UGGT1: variants seen among roughly 807,000 people sequenced by gnomAD.
UGGT1 encodes the protein UDP-glucose:glycoprotein glucosyltransferase 1.
A neutral mutation model predicts 203.9 loss-of-function variants in UGGT1; 107 were observed. That is an observed-to-expected ratio of 0.52 (90% CI 0.45 to 0.62). The LOEUF (loss-of-function observed/expected upper bound fraction) is 0.62, where lower values mean the gene tolerates loss of function less well. Ranked by LOEUF, UGGT1 falls within the 20% of genes least tolerant of loss-of-function variation. The probability of loss-of-function intolerance (pLI) is 0.00; values close to 1 mark genes in which losing one functional copy is unlikely to be tolerated. For synonymous variants in UGGT1, 628 were observed against 653.5 expected, an observed-to-expected ratio of 0.96 and a Z score of 0.59; for missense variants, 1,673 against 1,867.2, an observed-to-expected ratio of 0.90 and a Z score of 1.92.
intron 1 of UGGT1, chr2:128,091,722 A>C (rs529012086): frequency 3.3e-6 from 2 of 614,878 alleles, no homozygotes; most frequent in Non-Finnish European, 4.8e-6. Flanking sequence ...GATTTAGACC[A>C]AGCTTGATCC....
intron 18 of UGGT1, among the ~76,000 whole-genome samples, chr2:128,149,138 C>G (rs1353364241): frequency 6.6e-6 from 1 of 151,944 alleles, no homozygotes; most frequent in East Asian, 2.0e-4. Context: ...AACTTCTGGG[C>G]TCAAGCAGTC....
chr2:128,114,067 G>T (rs1339684995), intron 6 of UGGT1, among the ~76,000 whole-genome samples: 2 of 151,944 alleles, frequency 1.3e-5, no homozygotes, highest in African/African-American at 4.8e-5. Flanking sequence ...AAGTTTCTAT[G>T]TCATAATAAG....
rs754055547 is a variant in UGGT1, at chr2:128,180,909, C to T, written c.3920C>T (p.Ala1307Val). The change falls in exon 36 of 41, where the codon GCA becomes GTA. Residue 1307 changes from alanine to valine, a missense_variant. By Grantham distance (64) the Ala-to-Val change is moderately conservative. Transcript: ENST00000259253. The part of the protein sequence containing the change: ...PTFKEFIPYM[A>V]NEYNFQYELV... ...AAATAGGAGTTTATACCTTACATGGCAAATGAATACAATTTCCAGTATGAG... is the reference window on the plus strand; with the variant it reads ...AAATAGGAGTTTATACCTTACATGGTAAATGAATACAATTTCCAGTATGAG... The T allele has an allele frequency of 6.8e-6, 11 of 1,613,592 alleles. No individual in the cohort carries two copies. The South Asian group carries it at 1.2e-4, about 18-fold the overall frequency.
chr2:128,097,603 T>G lies in UGGT1; in HGVS notation c.194+39T>G, dbSNP rs376688243. 2.7e-4 allele frequency: 429 copies of G among 1,610,206 alleles called. 3 individuals carry two copies. The highest frequency in any genetic ancestry group is 5.3e-5 in the Non-Finnish European group (63 of 1,178,378). ...TTTTTTCCCTTCGTGTATTTGAGTA[T>G]AAATATAGGCTCTGACAGTGAACAT... On this transcript the variant is annotated intron_variant, in intron 2 of 40. Transcript: ENST00000259253.
At chr2:128,179,997 G>T in intron 35 of UGGT1, 127 bp downstream of exon 35, 2 of 747,814 alleles carry the variant, frequency 2.7e-6, no homozygotes, top group African/African-American at 1.8e-5. Flanking sequence ...TAATTTGGTT[G>T]CATATTTTTA....
chr2:128,094,906 G>A (rs1487977912), intron 1 of UGGT1, among the ~76,000 whole-genome samples: 1 of 151,872 alleles, frequency 6.6e-6, no homozygotes, highest in Non-Finnish European at 1.5e-5. Flanking sequence ...CTGCCACTAT[G>A]CCTGGCTAAT....
intron 17 of UGGT1, among the ~76,000 whole-genome samples, chr2:128,144,251 T>C (rs1347604139): frequency 6.6e-6 from 1 of 152,216 alleles, no homozygotes; most frequent in Non-Finnish European, 1.5e-5. Context: ...TATTTATCAT[T>C]ATTTAATATT....
At position 128,192,083 on chromosome 2, in the gene UGGT1, A is replaced by G. The variant is rs1474594055; in HGVS notation, c.*2341A>G. 3 of 152,106 alleles carry G rather than the reference A, an allele frequency of 2.0e-5. No homozygotes were observed. The East Asian group carries it at 5.8e-4, about 29-fold the overall frequency. The allele number at this position is 152,106 out of a possible 1,614,324, so 9.4% of individuals were successfully genotyped here. A position where few individuals can be genotyped will look rare whatever the true frequency, so the allele number is the denominator to read the frequency against. Reference sequence around the variant, plus strand: ...CCCATGTCTTTCTACCAAGCCTCTTATGTTTAATCTGTGCAGGGAAGACAA... The same window carrying G: ...CCCATGTCTTTCTACCAAGCCTCTTGTGTTTAATCTGTGCAGGGAAGACAA... On this transcript the variant is annotated 3_prime_UTR_variant, in exon 41 of 41. Coordinates refer to ENST00000259253, the MANE Select transcript of UGGT1 (RefSeq NM_020120.4).
At chr2:128,111,853 T>C (rs1687869451) in intron 5 of UGGT1, among the ~76,000 whole-genome samples, 1 of 151,278 alleles carries the variant, frequency 6.6e-6, no homozygotes, top group South Asian at 2.1e-4. Context: ...TAGAAAAATA[T>C]ACTTGGCCAG....
At chr2:128,123,661 A>G (rs1048177850) in intron 11 of UGGT1, among the ~76,000 whole-genome samples, 4 of 152,098 alleles carry the variant, frequency 2.6e-5, no homozygotes, top group Non-Finnish European at 5.9e-5. Context: ...TCCCACCACT[A>G]TTCTATATTG....
At position 128,161,114 on chromosome 2, in the gene UGGT1, C is replaced by T. The variant is rs201414611; in HGVS notation, c.2695-24C>T. ...GTGCAGGCAGCCTTCCAGAGCTAAG[C>T]GCCTGCTCTTCTCTCCTTCACAGAT... On this transcript the variant is annotated intron_variant, in intron 24 of 40. Coordinates refer to ENST00000259253, the MANE Select transcript of UGGT1 (RefSeq NM_020120.4). 2.3e-3 allele frequency: 3,665 copies of T among 1,612,386 alleles called. 5 individuals are homozygous for T. Among genetic ancestry groups the T allele is most frequent in the Admixed American group, 3.5e-3 (209 of 59,780 alleles).
At chr2:128,143,608 C>A (rs959463909) in intron 17 of UGGT1, among the ~76,000 whole-genome samples, 2 of 152,086 alleles carry the variant, frequency 1.3e-5, no homozygotes, top group Non-Finnish European at 2.9e-5. Flanking sequence ...GTGTCGAAAT[C>A]TTGATTGTGC....
intron 40 of UGGT1, among the ~76,000 whole-genome samples, 197 bp downstream of exon 40, chr2:128,187,811 A>G (rs1443611329): frequency 1.4e-5 from 2 of 143,342 alleles, no homozygotes; most frequent in African/African-American, 2.7e-5. Flanking sequence ...TGCAATTGCT[A>G]TGTTTTTTTT....
At chr2:128,135,875 G>A (rs1428149385) in intron 15 of UGGT1, among the ~76,000 whole-genome samples, 9 of 152,194 alleles carry the variant, frequency 5.9e-5, no homozygotes, top group Admixed American at 2.0e-4. Flanking sequence ...GAGATTTTGA[G>A]TTTCATGACA....
chr2:128,125,511 A>G (rs1485429291), intron 11 of UGGT1, among the ~76,000 whole-genome samples: 1 of 152,150 alleles, frequency 6.6e-6, no homozygotes, highest in Non-Finnish European at 1.5e-5. Flanking sequence ...CTGTTGGGAC[A>G]GTGACTCCTC....
At position 128,189,832 on chromosome 2, in the gene UGGT1, A is replaced by T. The variant is rs1692167325; in HGVS notation, c.*90A>T. The T allele has an allele frequency of 6.8e-7, 1 of 1,478,816 alleles. No homozygotes were observed. Among genetic ancestry groups the T allele is most frequent in the Non-Finnish European group, 9.3e-7 (1 of 1,074,520 alleles). 91.6% of individuals were successfully genotyped at this position (1,478,816 alleles called of 1,614,324 possible). ...TTCTGATCTGTCTATACAACTGCTG[A>T]TAAGCCGGCTGGGCAGGAGTGCCAC... On this transcript the variant is annotated 3_prime_UTR_variant, in exon 41 of 41. Coordinates refer to ENST00000259253, the MANE Select transcript of UGGT1 (RefSeq NM_020120.4).
chr2:128,185,469 C>CTT lies in UGGT1; in HGVS notation c.4360-1192_4360-1191dup, dbSNP rs766681891. On this transcript the variant is annotated intron_variant, in intron 38 of 40. Coordinates refer to ENST00000259253, the MANE Select transcript of UGGT1 (RefSeq NM_020120.4). ...GCAGGTGTGAGCCACCGTGCCCGGC[C>CTT]TTTTTTTTTTTTTTTTTTTTTTTAG... Among the ~76,000 whole-genome samples the CTT allele has an allele frequency of 7.6e-3, 866 of 113,376 alleles. 31 individuals are homozygous for CTT. Among genetic ancestry groups the CTT allele is most frequent in the African/African-American group, 0.024 (564 of 23,450 alleles). The allele number at this position is 113,376 out of a possible 152,430, so 74.4% of individuals were successfully genotyped here.
chr2:128,112,290 G>A (rs1216356629), intron 5 of UGGT1, among the ~76,000 whole-genome samples: 3 of 149,264 alleles, frequency 2.0e-5, no homozygotes, highest in Admixed American at 1.3e-4. Context: ...GTGTGGTGGT[G>A]GATGCCTGTA....
chr2:128,097,388 A>AAT, intron 1 of UGGT1, 41 bp from the exon 2 acceptor site: 1 of 1,577,190 alleles, frequency 6.3e-7, no homozygotes. Flanking sequence ...AAAAAAAAAA[A>AAT]TTTCCTTGTA....
Sources: allele counts gnomAD v4.1 joint callset (sites outside exome capture counted in the v4.1 genomes callset), GRCh38; gene constraint gnomAD v4.1.1; transcripts MANE v1.5; gene names NCBI Gene and HGNC (gene_info 2026-07-23, HGNC 2026-07-21).